The following LARP1 variants were observed in gnomAD, a reference collection of about 807,000 sequenced individuals.
The protein encoded by LARP1 is la-related protein 1.
A neutral mutation model predicts 122.7 loss-of-function variants in LARP1; 36 were observed. The ratio of observed to expected loss-of-function variants is 0.29; its 90% CI spans 0.22 to 0.39. The LOEUF (loss-of-function observed/expected upper bound fraction) is 0.39. LARP1 is among the 10% of genes least tolerant of loss of function. The probability of loss-of-function intolerance (pLI) is 1.00; values close to 1 mark genes in which losing one functional copy is unlikely to be tolerated. For missense variants in LARP1, 1,040 were observed against 1,403.6 expected (o/e 0.74, Z 4.14); for synonymous variants, 539 against 528.7 (o/e 1.02, Z -0.27).
intron 1 of LARP1, among the ~76,000 whole-genome samples, chr5:154,757,475 C>T (rs576823551): frequency 1.3e-5 from 2 of 151,984 alleles, no homozygotes; most frequent in African/African-American, 4.8e-5. Flanking sequence ...GTTTTGGGTC[C>T]GTTTGTGGTG....
intron 1 of LARP1, among the ~76,000 whole-genome samples, chr5:154,765,883 A>G (rs184036829): frequency 5.3e-4 from 80 of 152,354 alleles, no homozygotes; most frequent in African/African-American, 1.9e-3. Flanking sequence ...CATGTGTCAG[A>G]CATAGGGGAT....
At chr5:154,812,522 C>T (rs1759363783) in intron 18 of LARP1, among the ~76,000 whole-genome samples, 1 of 103,676 alleles carries the variant, frequency 9.6e-6, no homozygotes, top group African/African-American at 3.6e-5. Flanking sequence ...CCCCCCACCC[C>T]CCCTTTTTTT....
At chr5:154,812,826 C>T (rs1188838842) in intron 18 of LARP1, among the ~76,000 whole-genome samples, 1 of 151,972 alleles carries the variant, frequency 6.6e-6, no homozygotes, top group African/African-American at 2.4e-5. Flanking sequence ...CCAAAAGCCC[C>T]TTATAAGACC....
chr5:154,751,597 T>G (rs1428271412), upstream of LARP1, among the ~76,000 whole-genome samples: 1 of 152,252 alleles, frequency 6.6e-6, no homozygotes, highest in Non-Finnish European at 1.5e-5. Context: ...AGTCCCCTCT[T>G]ATCTGTGGTT....
At chr5:154,771,357 T>A (rs1755412685) in intron 1 of LARP1, among the ~76,000 whole-genome samples, 2 of 152,154 alleles carry the variant, frequency 1.3e-5, no homozygotes, top group African/African-American at 4.8e-5. Context: ...CACCATTCAT[T>A]TTCACAGTAA....
intron 1 of LARP1, among the ~76,000 whole-genome samples, chr5:154,762,569 C>G (rs1487014474): frequency 6.6e-6 from 1 of 152,068 alleles, no homozygotes; most frequent in East Asian, 1.9e-4. Flanking sequence ...TGGCAAAGCC[C>G]TAGGTGTGGG....
intron 1 of LARP1, among the ~76,000 whole-genome samples, chr5:154,695,827 C>T (rs6868614): frequency 0.14 from 21,001 of 151,700 alleles, 1,612 homozygotes; most frequent in East Asian, 0.32. Flanking sequence ...GAGCCAAGAT[C>T]GTGCCGCTGC....
At chr5:154,754,958 G>T (rs1209766122), upstream of LARP1, among the ~76,000 whole-genome samples, 2 of 152,186 alleles carry the variant, frequency 1.3e-5, no homozygotes, top group Non-Finnish European at 2.9e-5. Context: ...GAGCAGGCCC[G>T]GCAGGCCGCG....
At chr5:154,800,844 T>C (rs556054691) in intron 10 of LARP1, among the ~76,000 whole-genome samples, 1 of 152,210 alleles carries the variant, frequency 6.6e-6, no homozygotes, top group African/African-American at 2.4e-5. Flanking sequence ...ACCTCTCATC[T>C]CCTTTCTCTT....
intron 1 of LARP1, among the ~76,000 whole-genome samples, chr5:154,689,134 C>T (rs1754074046): frequency 6.6e-6 from 1 of 151,796 alleles, no homozygotes; most frequent in African/African-American, 2.4e-5. Context: ...GCCTCGCCAA[C>T]ATGGCAAAAC....
intron 8 of LARP1, among the ~76,000 whole-genome samples, chr5:154,797,525 G>A (rs1210443533): frequency 1.3e-5 from 2 of 151,980 alleles, no homozygotes; most frequent in Middle Eastern, 3.4e-3. Flanking sequence ...GAGCTACCGC[G>A]CCCGGCCTGT....
chr5:154,693,869 A>AG (rs148758392), intron 1 of LARP1, among the ~76,000 whole-genome samples: 236 of 146,114 alleles, frequency 1.6e-3, no homozygotes, highest in East Asian at 3.8e-3. Flanking sequence ...AAAAAAAAAA[A>AG]AAAGAAAGAA....
chr5:154,798,786 A>C (rs1758092073), intron 8 of LARP1, among the ~76,000 whole-genome samples: 1 of 152,092 alleles, frequency 6.6e-6, no homozygotes, highest in African/African-American at 2.4e-5. Context: ...GAGCCACTGT[A>C]CCCAGCCTGC....
At chr5:154,715,264 CTTTT>C (rs35808885) in intron 1 of LARP1, among the ~76,000 whole-genome samples, 1 of 90,226 alleles carries the variant, frequency 1.1e-5, no homozygotes, top group Non-Finnish European at 2.0e-5. Context: ...GCAAGCCTCT[CTTTT>C]TTTTTTTTTT....
At chr5:154,764,989 A>G (rs922549671) in intron 1 of LARP1, among the ~76,000 whole-genome samples, 1 of 151,940 alleles carries the variant, frequency 6.6e-6, no homozygotes, top group Non-Finnish European at 1.5e-5. Context: ...GGCCTGGACC[A>G]TACATCATCA....
At chr5:154,716,047 A>T (rs1755485229) in intron 1 of LARP1, among the ~76,000 whole-genome samples, 1 of 151,792 alleles carries the variant, frequency 6.6e-6, no homozygotes, top group Non-Finnish European at 1.5e-5. Context: ...TACCCCTTCC[A>T]CCAGAAGTTA....
chr5:154,789,952 G>A (rs1456123318), intron 1 of LARP1, among the ~76,000 whole-genome samples: 1 of 152,172 alleles, frequency 6.6e-6, no homozygotes, highest in East Asian at 1.9e-4. Flanking sequence ...TCAGACATCT[G>A]CCATGATTCA....
chr5:154,729,760 G>A (rs1025756217), intron 1 of LARP1: 3 of 227,268 alleles, frequency 1.3e-5, no homozygotes, highest in Non-Finnish European at 2.6e-5. Flanking sequence ...AAACTTCAAT[G>A]TATTCCCAGC....
chr5:154,764,466 TG>T (rs1345962292), intron 1 of LARP1, among the ~76,000 whole-genome samples: 1 of 149,770 alleles, frequency 6.7e-6, no homozygotes, highest in Non-Finnish European at 1.5e-5. Context: ...CTGGGTGTGG[TG>T]GTGCATTCCT....
Sources: gnomAD v4.1 joint callset for allele counts (sites outside exome capture counted in the v4.1 genomes callset) on GRCh38, gnomAD v4.1.1 for gene constraint, MANE v1.5 for transcripts, NCBI Gene and HGNC (gene_info 2026-07-23, HGNC 2026-07-21) for gene names.